The following RAI1 variants were observed in gnomAD, a reference collection of about 807,000 sequenced individuals.
RAI1 encodes retinoic acid induced 1.
A neutral mutation model predicts 123.8 loss-of-function variants in RAI1; 9 were observed. The observed-to-expected ratio is 0.07, with a 90% CI of 0.04 to 0.13. The LOEUF is 0.13. Among genes scored for constraint, RAI1 ranks in the 10% least tolerant of loss-of-function variants. RAI1 has a pLI of 1.00. For synonymous variants in RAI1, 1,231 were observed against 1,127.3 expected (o/e 1.09, Z -1.84); for missense variants, 2,256 against 2,545.8 (o/e 0.89, Z 2.45).
intron 2 of RAI1, among the ~76,000 whole-genome samples, chr17:17,725,805 T>G (rs1255298078): frequency 6.6e-6 from 1 of 151,892 alleles, no homozygotes; most frequent in Non-Finnish European, 1.5e-5. Context: ...GTGAAGGCAA[T>G]TCCTCTCCCT....
chr17:17,776,335 A>C (rs2031341174), intron 2 of RAI1, among the ~76,000 whole-genome samples: 1 of 152,204 alleles, frequency 6.6e-6, no homozygotes, highest in African/African-American at 2.4e-5. Flanking sequence ...ATGGTAGAAA[A>C]ATTCAAATGC....
intron 2 of RAI1, among the ~76,000 whole-genome samples, chr17:17,735,499 G>A (rs150009163): frequency 0.042 from 6,378 of 151,492 alleles, 185 homozygotes; most frequent in Non-Finnish European, 0.058. Flanking sequence ...GACTACAGGC[G>A]TGCGCCACCA....
chr17:17,694,198 G>A (rs1914932344), intron 1 of RAI1, among the ~76,000 whole-genome samples: 1 of 152,152 alleles, frequency 6.6e-6, no homozygotes, highest in African/African-American at 2.4e-5. Flanking sequence ...TCTTTGACCG[G>A]GGAGGCAGCC....
chr17:17,724,482 A>T (rs1363025267), intron 2 of RAI1, among the ~76,000 whole-genome samples: 1 of 121,736 alleles, frequency 8.2e-6, no homozygotes, highest in Non-Finnish European at 1.6e-5. Context: ...CCTTTCCTCC[A>T]CAAAGCATTG....
chr17:17,688,747 G>A (rs1013727225), intron 1 of RAI1, among the ~76,000 whole-genome samples: 3 of 151,634 alleles, frequency 2.0e-5, no homozygotes, highest in Admixed American at 1.3e-4. Flanking sequence ...CTACAGGTGT[G>A]CGCCACCATG....
Position 17,797,990 on chromosome 17 carries a change from G to C in RAI1, c.5042G>C (p.Ser1681Thr), listed in dbSNP as rs1317520128. The change falls in exon 3 of 6, where the codon AGT (serine) becomes ACT (threonine). Residue 1681 changes from serine to threonine, a missense_variant. This residue lies in a region of RAI1 where 243 missense variants were observed against 316.6 expected (regional missense o/e 0.77). Coordinates refer to ENST00000353383, the MANE Select transcript of RAI1 (RefSeq NM_030665.4). ...HLGPVVSKAL[S>T]TSCLVCCLCQ... ...GGGCCTGTGGTTTCCAAGGCCCTGA[G>C]TACCTCTTGCCTTGTTTGCTGCCTC... is the stretch of plus-strand genomic sequence containing the variant. 2 of 1,614,086 alleles carry C rather than the reference G, an allele frequency of 1.2e-6. No individual in the cohort carries two copies. Among genetic ancestry groups the C allele is most frequent in the Non-Finnish European group, 1.7e-6 (2 of 1,180,020 alleles).
intron 2 of RAI1, among the ~76,000 whole-genome samples, chr17:17,758,610 A>G (rs974392346): frequency 6.6e-6 from 1 of 152,246 alleles, no homozygotes; most frequent in Admixed American, 6.5e-5. Flanking sequence ...TGCAGGCAGT[A>G]TCTGGGCACC....
At chr17:17,731,003 G>A (rs1916250530) in intron 2 of RAI1, among the ~76,000 whole-genome samples, 1 of 152,206 alleles carries the variant, frequency 6.6e-6, no homozygotes, top group Non-Finnish European at 1.5e-5. Context: ...GGCAGGCGAT[G>A]CCCAAGGAGG....
At chr17:17,786,122 C>T (rs2031818233) in intron 2 of RAI1, among the ~76,000 whole-genome samples, 2 of 151,726 alleles carry the variant, frequency 1.3e-5, no homozygotes, top group South Asian at 4.1e-4. Context: ...GCTGCCCCTC[C>T]CCCCCCACTT....
At chr17:17,724,406 C>CTTTTTTTTTTTT (rs771760855) in intron 2 of RAI1, among the ~76,000 whole-genome samples, 1 of 103,758 alleles carries the variant, frequency 9.6e-6, no homozygotes, top group Non-Finnish European at 1.9e-5. Context: ...TCTTTCTTTC[C>CTTTTTTTTTTTT]TTTTTTTTTT....
intron 3 of RAI1, among the ~76,000 whole-genome samples, chr17:17,802,594 G>A (rs2143004890): frequency 6.6e-6 from 1 of 152,164 alleles, no homozygotes; most frequent in South Asian, 2.1e-4. Context: ...GGCTAACACG[G>A]AGAAACCCCG....
chr17:17,728,962 G>C (rs1448535038), intron 2 of RAI1, among the ~76,000 whole-genome samples: 1 of 152,196 alleles, frequency 6.6e-6, no homozygotes, highest in Non-Finnish European at 1.5e-5. Flanking sequence ...CCCTGAGGTG[G>C]TTCCTTGCTG....
intron 2 of RAI1, among the ~76,000 whole-genome samples, chr17:17,743,587 T>C (rs1438352818): frequency 6.6e-6 from 1 of 152,180 alleles, no homozygotes; most frequent in Non-Finnish European, 1.5e-5. Context: ...CTCCAGGACA[T>C]GTGCGCAGCA....
At chr17:17,742,117 T>A (rs912938649) in intron 2 of RAI1, among the ~76,000 whole-genome samples, 4 of 152,100 alleles carry the variant, frequency 2.6e-5, no homozygotes, top group African/African-American at 9.7e-5. Flanking sequence ...GGCTCTGGGG[T>A]GGGAGGTGGG....
chr17:17,751,466 C>T (rs1192263805), intron 2 of RAI1, among the ~76,000 whole-genome samples: 1 of 152,222 alleles, frequency 6.6e-6, no homozygotes, highest in Non-Finnish European at 1.5e-5. Context: ...TATCTCACCT[C>T]AAGCTGGTGT....
intron 2 of RAI1, among the ~76,000 whole-genome samples, chr17:17,727,848 C>G (rs1456863021): frequency 1.3e-5 from 2 of 151,978 alleles, no homozygotes; most frequent in African/African-American, 2.4e-5. Flanking sequence ...CCCCAGGAGA[C>G]CCCCCGGGGA....
In RAI1 at chr17:17,796,794, C is replaced by G. The variant is rs773995967; in HGVS notation, c.3846C>G (p.Thr1282=). ...CTTCTCCCAAGAAAGCCAAGCCCAC[C>G]AAGGGCAATGGCGAGCCTGCCACAA... The part of the protein sequence containing the change: ...RMSSPKKAKP[T]KGNGEPATKL... The change falls in exon 3 of 6, where the codon ACC becomes ACG. Residue 1282 remains threonine, a synonymous_variant. Transcript: ENST00000353383. This position sits in a 1 kb window ranked among gnomAD's most constrained non-coding sequence, Gnocchi z 5.8. The G allele has an allele frequency of 1.2e-6, 2 of 1,612,648 alleles. No homozygotes were observed. The highest frequency in any genetic ancestry group is 1.7e-6 in the Non-Finnish European group (2 of 1,179,538).
intron 2 of RAI1, among the ~76,000 whole-genome samples, chr17:17,746,641 T>TC (rs1567868521): frequency 6.7e-6 from 1 of 148,366 alleles, no homozygotes; most frequent in South Asian, 2.1e-4. Context: ...TTTCTTTTTT[T>TC]TTTTTTTTTT....
At chr17:17,753,129 C>T (rs368344013) in intron 2 of RAI1, among the ~76,000 whole-genome samples, 5 of 152,196 alleles carry the variant, frequency 3.3e-5, no homozygotes, top group South Asian at 4.1e-4. Flanking sequence ...CCCGAGGAGC[C>T]TGGTTTGGTG....
Sources: gnomAD v4.1 joint callset for allele counts (sites outside exome capture counted in the v4.1 genomes callset) on GRCh38, gnomAD v4.1.1 for gene constraint, gnomAD v4.1.1 regional missense constraint, Gnocchi (gnomAD v3.1) non-coding constraint, MANE v1.5 for transcripts, NCBI Gene and HGNC (gene_info 2026-07-23, HGNC 2026-07-21) for gene names.